Variants in HGD observed in about 807,000 individuals in gnomAD.
HGD encodes homogentisate 1,2-dioxygenase.
A neutral mutation model predicts 60.8 loss-of-function variants in HGD; 61 were observed. The ratio of observed to expected loss-of-function variants is 1.00; its 90% CI spans 0.82 to 1.24. HGD has a LOEUF of 1.24. Ranked by LOEUF, HGD falls within the 50% of genes most tolerant of loss-of-function variation. The probability of loss-of-function intolerance (pLI) is 0.00; values close to 1 mark genes in which losing one functional copy is unlikely to be tolerated. For synonymous variants in HGD, 212 were observed against 187.7 expected (o/e 1.13, Z -1.06); for missense variants, 542 against 547.1 (o/e 0.99, Z 0.09).
At position 120,644,385 on chromosome 3, in the gene HGD, A is replaced by G; in HGVS notation, c.708T>C (p.Asp236=). The G allele has an allele frequency of 6.2e-7, 1 of 1,614,112 alleles. No homozygotes were observed. The highest frequency in any genetic ancestry group is 1.1e-5 in the South Asian group (1 of 91,080). ...CCGTGTAACCACCTGGTACTTGGCG[A>G]TCCTCATACCAGGCAATGGGTATCA... ...DFLIPIAWYE[D]RQVPGGYTVI... Residue 236 remains aspartate (D), a synonymous_variant, in exon 10 of 14, where the codon GAT becomes GAC. Coordinates refer to ENST00000283871, the MANE Select transcript of HGD (RefSeq NM_000187.4).
At position 120,670,510 on chromosome 3, in the gene HGD, A is replaced by G. The variant is rs370003137; in HGVS notation, c.199T>C (p.Ser67Pro). Residue 67 changes from serine to proline, a missense_variant, in exon 4 of 14, where the codon TCA becomes CCA. Coordinates refer to ENST00000283871, the MANE Select transcript of HGD (RefSeq NM_000187.4). ...GATTCAAAGGGCTTGTGAGAAACTG[A>G]AGGTAGAATCCTATACAGCCAGCTA... ...KRSWLYRILP[S>P]VSHKPFESID... 3.1e-6 allele frequency: 5 copies of G among 1,604,692 alleles called. No individual in the cohort carries two copies. Among genetic ancestry groups the G allele is most frequent in the East Asian group, 4.5e-5 (2 of 44,846 alleles).
At chr3:120,647,741 A>T (rs969990263) in intron 7 of HGD, 136 bp downstream of exon 7, 11 of 793,050 alleles carry the variant, frequency 1.4e-5, no homozygotes, top group Middle Eastern at 2.3e-4. Context: ...TGGCCTCTAG[A>T]CCTCAGTCTC....
At chr3:120,647,129 GC>G in intron 7 of HGD, 77 bp from the exon 8 acceptor site, 1 of 1,107,214 alleles carries the variant, frequency 9.0e-7, no homozygotes, top group East Asian at 2.4e-5. Context: ...AAGGCTTAAG[GC>G]TGCATTTGCT....
chr3:120,673,131 T>A (rs1708057359), intron 3 of HGD, among the ~76,000 whole-genome samples: 1 of 152,120 alleles, frequency 6.6e-6, no homozygotes, highest in African/African-American at 2.4e-5. Flanking sequence ...TCCACAAAAT[T>A]CTTGTGGATA....
chr3:120,670,723 T>C (rs1708008416), intron 3 of HGD, among the ~76,000 whole-genome samples, 191 bp from the exon 4 acceptor site: 1 of 152,222 alleles, frequency 6.6e-6, no homozygotes, highest in Non-Finnish European at 1.5e-5. Context: ...CCCTGGCCTC[T>C]TCTCACTTTT....
intron 3 of HGD, among the ~76,000 whole-genome samples, chr3:120,671,863 T>C (rs1708031713): frequency 6.6e-6 from 1 of 152,040 alleles, no homozygotes; most frequent in Non-Finnish European, 1.5e-5. Flanking sequence ...TGGAAGCCAA[T>C]ATTCTCAGCG....
intron 1 of HGD, among the ~76,000 whole-genome samples, chr3:120,678,422 G>A (rs919279681): frequency 6.6e-6 from 1 of 152,224 alleles, no homozygotes; most frequent in African/African-American, 2.4e-5. Flanking sequence ...GAGGAAGGAA[G>A]GCTGGAGTAC....
intron 1 of HGD, among the ~76,000 whole-genome samples, chr3:120,680,482 A>G (rs957517999): frequency 7.9e-5 from 12 of 152,230 alleles, no homozygotes; most frequent in African/African-American, 2.7e-4. Flanking sequence ...GCTGTGCATA[A>G]TAAGTTGCTT....
At chr3:120,636,802 T>C (rs1259756874) in intron 12 of HGD, among the ~76,000 whole-genome samples, 1 of 152,162 alleles carries the variant, frequency 6.6e-6, no homozygotes, top group Non-Finnish European at 1.5e-5. Context: ...TGCTATAAAA[T>C]AGCTAAATTG....
chr3:120,662,285 G>A (rs1707789392), intron 4 of HGD, among the ~76,000 whole-genome samples: 2 of 152,170 alleles, frequency 1.3e-5, no homozygotes, highest in African/African-American at 4.8e-5. Flanking sequence ...CACGGTGTGG[G>A]ATAGGGAGGG....
At chr3:120,643,921 A>G (rs973630524) in intron 10 of HGD, among the ~76,000 whole-genome samples, 2 of 152,244 alleles carry the variant, frequency 1.3e-5, no homozygotes, top group Non-Finnish European at 2.9e-5. Context: ...ATTGGAGACT[A>G]TAAATCTTGG....
At chr3:120,633,669 CT>C in intron 12 of HGD, 1 of 1,142,028 alleles carries the variant, frequency 8.8e-7, no homozygotes, top group Non-Finnish European at 1.2e-6. Context: ...ACTCTATCAT[CT>C]AAGCTTACGA....
chr3:120,669,681 G>A (rs1461029231), intron 4 of HGD, among the ~76,000 whole-genome samples: 1 of 152,074 alleles, frequency 6.6e-6, no homozygotes, highest in Non-Finnish European at 1.5e-5. Flanking sequence ...GGCTATTTCT[G>A]TACCTCATTT....
rs969794142 is a variant in HGD at position 120,646,917 on chromosome 3, T to A, written c.549+56A>T. 16 of 1,358,648 alleles carry A rather than the reference T, an allele frequency of 1.2e-5. No homozygotes were observed. The African/African-American group carries it at 2.1e-4, about 18-fold the overall frequency. 84.2% of individuals were successfully genotyped at this position (1,358,648 alleles called of 1,614,324 possible). A position where few individuals can be genotyped will look rare whatever the true frequency, so the allele number is the denominator to read the frequency against. On this transcript the variant is annotated intron_variant, in intron 8 of 13. Transcript: ENST00000283871. Reference sequence around the variant, plus strand: ...GTTGGAAATAGCAGCAGCTGAAACATCTGACTGCTCCCAAATTAGTGAGAG... The same window carrying A: ...GTTGGAAATAGCAGCAGCTGAAACAACTGACTGCTCCCAAATTAGTGAGAG...
intron 4 of HGD, among the ~76,000 whole-genome samples, chr3:120,665,234 TATG>T: frequency 6.6e-6 from 1 of 152,380 alleles, no homozygotes; most frequent in South Asian, 2.1e-4. Context: ...GAAGGCATTT[TATG>T]ATATGTTCTT....
chr3:120,633,664 A>G (rs1276287521), intron 12 of HGD: 6 of 1,184,082 alleles, frequency 5.1e-6, no homozygotes, highest in Non-Finnish European at 5.6e-6. Context: ...AATGTACTCT[A>G]TCATCTAAGC....
At chr3:120,675,940 G>T in intron 1 of HGD, 77 bp from the exon 2 acceptor site, 2 of 1,072,486 alleles carry the variant, frequency 1.9e-6, no homozygotes, top group Non-Finnish European at 2.9e-6. Context: ...GTTTACTAAG[G>T]TAAGAATTTC....
At chr3:120,646,237 G>A (rs200482004) in intron 9 of HGD, 30 bp downstream of exon 9, 13 of 1,307,832 alleles carry the variant, frequency 9.9e-6, no homozygotes, top group South Asian at 2.4e-5. Context: ...CATCTCAAGC[G>A]AGGCTTAGAG....
chr3:120,628,314 G>T lies in HGD; in HGVS notation c.*66C>A. 6.4e-7 allele frequency: 1 copy of T among 1,551,162 alleles called. No individual in the cohort carries two copies. Among genetic ancestry groups the T allele is most frequent in the Non-Finnish European group, 8.9e-7 (1 of 1,124,124 alleles). On this transcript the variant is annotated 3_prime_UTR_variant, in exon 14 of 14. Transcript: ENST00000283871. ...CCAACCCCCTCCTCCAATACTACCAGAAAGCATGAGATTCTGAAGAAATCT... is the reference window on the plus strand; with the variant it reads ...CCAACCCCCTCCTCCAATACTACCATAAAGCATGAGATTCTGAAGAAATCT...
Sources: allele counts gnomAD v4.1 joint callset (sites outside exome capture counted in the v4.1 genomes callset), GRCh38; gene constraint gnomAD v4.1.1; transcripts MANE v1.5; gene names NCBI Gene and HGNC (gene_info 2026-07-23, HGNC 2026-07-21).